The following LRRC4C variants were observed in gnomAD, a reference collection of about 807,000 sequenced individuals.
LRRC4C encodes leucine-rich repeat-containing protein 4C.
A neutral mutation model predicts 33.6 loss-of-function variants in LRRC4C; 5 were observed. The ratio of observed to expected loss-of-function variants is 0.15; its 90% CI spans 0.08 to 0.31. LRRC4C has a LOEUF of 0.31. LRRC4C is among the 10% of genes least tolerant of loss of function. LRRC4C has a pLI of 1.00. For missense variants in LRRC4C, 560 were observed against 796.7 expected (o/e 0.70, Z 3.58); for synonymous variants, 329 against 302.0 (o/e 1.09, Z -0.93).
intron 2 of LRRC4C, among the ~76,000 whole-genome samples, chr11:40,905,472 G>T (rs934965620): frequency 2.0e-5 from 3 of 151,922 alleles, no homozygotes; most frequent in Non-Finnish European, 4.4e-5. Context: ...GTTTTCAAAT[G>T]GTTTCTTCTG....
At chr11:40,548,023 G>A (rs72885171) in intron 3 of LRRC4C, among the ~76,000 whole-genome samples, 13,714 of 152,068 alleles carry the variant, frequency 0.09, 1,784 homozygotes, top group African/African-American at 0.29. Context: ...AATCAGTGAA[G>A]TGAATAGTAT....
At chr11:41,396,600 G>T (rs1953825155) in intron 1 of LRRC4C, among the ~76,000 whole-genome samples, 1 of 151,928 alleles carries the variant, frequency 6.6e-6, no homozygotes, top group Admixed American at 6.6e-5. Context: ...TTATGATATG[G>T]GTAGTTTTTT....
In LRRC4C at chr11:40,596,333, G is replaced by A. The variant is rs952875521; in HGVS notation, c.-270+51809C>T. Among the ~76,000 whole-genome samples the A allele has an allele frequency of 4.6e-5, 7 of 151,884 alleles. No homozygotes were observed. The South Asian group carries it at 6.2e-4, about 14-fold the overall frequency. On this transcript the variant is annotated intron_variant, in intron 3 of 6. Coordinates refer to ENST00000528697, the MANE Select transcript of LRRC4C (RefSeq NM_001258419.2). ...TTTATATTATTATGGATACATAATCGTTGTATATATTTATGGAGTACACAT... is the reference window on the plus strand; with the variant it reads ...TTTATATTATTATGGATACATAATCATTGTATATATTTATGGAGTACACAT...
chr11:40,630,330 C>CCTCTTCT (rs1963346898), intron 3 of LRRC4C, among the ~76,000 whole-genome samples: 2 of 135,532 alleles, frequency 1.5e-5, no homozygotes, highest in African/African-American at 5.6e-5. Flanking sequence ...TTTCTTCTTC[C>CCTCTTCT]TCTTCTTCTT....
intron 2 of LRRC4C, among the ~76,000 whole-genome samples, chr11:40,846,920 A>G (rs1454716819): frequency 1.3e-5 from 2 of 152,072 alleles, no homozygotes; most frequent in African/African-American, 2.4e-5. Flanking sequence ...CTTTGTGGCA[A>G]TTGTGAGTGG....
chr11:40,440,510 C>T (rs1005492258), intron 3 of LRRC4C, among the ~76,000 whole-genome samples: 2 of 151,986 alleles, frequency 1.3e-5, no homozygotes, highest in African/African-American at 4.8e-5. Context: ...TTCTCACAAT[C>T]CCTCCTACTT....
intron 2 of LRRC4C, among the ~76,000 whole-genome samples, chr11:40,863,509 C>G (rs900809716): frequency 2.5e-4 from 38 of 152,192 alleles, no homozygotes; most frequent in African/African-American, 7.7e-4. Flanking sequence ...AGCCCCACCT[C>G]TCTTAGTTGA....
At position 40,887,383 on chromosome 11, in the gene LRRC4C, G is replaced by A. The variant is rs182558182; in HGVS notation, c.-407+46252C>T. Among the ~76,000 whole-genome samples the A allele has an allele frequency of 2.2e-4, 33 of 151,972 alleles. No individual in the cohort carries two copies. In the East Asian group the frequency reaches 5.0e-3, roughly 23 times the overall value. On this transcript the variant is annotated intron_variant, in intron 2 of 6. Coordinates refer to ENST00000528697, the MANE Select transcript of LRRC4C (RefSeq NM_001258419.2). ...ATAGGATGACTAGATGCACTTCTTC[G>A]TATGCTGAAATAGTAATGACACAGC...
At chr11:41,009,225 T>C (rs1206416605) in intron 1 of LRRC4C, among the ~76,000 whole-genome samples, 3 of 151,910 alleles carry the variant, frequency 2.0e-5, no homozygotes, top group Non-Finnish European at 4.4e-5. Context: ...ATTCAAAATG[T>C]TTAAAACATA....
chr11:41,406,748 A>G (rs80276547), intron 1 of LRRC4C, among the ~76,000 whole-genome samples: 257 of 145,534 alleles, frequency 1.8e-3, no homozygotes, highest in African/African-American at 6.4e-3. Flanking sequence ...ACACACACAC[A>G]CACGCACCCT....
intron 3 of LRRC4C, among the ~76,000 whole-genome samples, chr11:40,488,683 T>C (rs1166094627): frequency 6.6e-6 from 1 of 152,056 alleles, no homozygotes; most frequent in Non-Finnish European, 1.5e-5. Context: ...CGTGACTAAA[T>C]CCTAAATGTA....
intron 1 of LRRC4C, among the ~76,000 whole-genome samples, chr11:40,996,031 A>T (rs914227633): frequency 1.3e-5 from 2 of 152,200 alleles, no homozygotes; most frequent in African/African-American, 4.8e-5. Flanking sequence ...TTTATTACAT[A>T]GTTCCACTGT....
chr11:40,516,942 G>A (rs1476324245), intron 3 of LRRC4C, among the ~76,000 whole-genome samples: 3 of 152,132 alleles, frequency 2.0e-5, no homozygotes, highest in Non-Finnish European at 2.9e-5. Flanking sequence ...GCATTGTACA[G>A]AGCAGGGCAT....
At chr11:40,864,878 A>C (rs566946203) in intron 2 of LRRC4C, among the ~76,000 whole-genome samples, 2 of 152,352 alleles carry the variant, frequency 1.3e-5, no homozygotes, top group Non-Finnish European at 2.9e-5. Context: ...AAAAGATATT[A>C]CACAAGGGGA....
At chr11:40,260,717 A>G (rs1175372171) in intron 4 of LRRC4C, among the ~76,000 whole-genome samples, 4 of 152,086 alleles carry the variant, frequency 2.6e-5, no homozygotes, top group African/African-American at 9.7e-5. Context: ...AAAATAACAT[A>G]TGGATAGAGC....
intron 4 of LRRC4C, among the ~76,000 whole-genome samples, chr11:40,296,059 T>G (rs1944496080): frequency 6.6e-6 from 1 of 152,040 alleles, no homozygotes; most frequent in African/African-American, 2.4e-5. Context: ...CAATGATTTG[T>G]TTTTTTCAGA....
At chr11:40,700,145 T>A (rs1945796523) in intron 2 of LRRC4C, among the ~76,000 whole-genome samples, 1 of 152,112 alleles carries the variant, frequency 6.6e-6, no homozygotes, top group African/African-American at 2.4e-5. Context: ...ATAACTTAGC[T>A]AAAATGTACA....
intron 3 of LRRC4C, among the ~76,000 whole-genome samples, chr11:40,359,100 T>C (rs1947824614): frequency 6.6e-6 from 1 of 152,218 alleles, no homozygotes. Context: ...TGTTTCTCCC[T>C]TATGTAATGT....
chr11:40,884,371 C>T (rs544493922), intron 2 of LRRC4C, among the ~76,000 whole-genome samples: 2 of 152,074 alleles, frequency 1.3e-5, no homozygotes, highest in African/African-American at 4.8e-5. Flanking sequence ...CTGCAATAAA[C>T]ATATGTGTGC....
Sources: gnomAD v4.1 joint callset for allele counts (sites outside exome capture counted in the v4.1 genomes callset) on GRCh38, gnomAD v4.1.1 for gene constraint, MANE v1.5 for transcripts, NCBI Gene and HGNC (gene_info 2026-07-23, HGNC 2026-07-21) for gene names.